CTNND2: variants seen among roughly 807,000 people sequenced by gnomAD.
CTNND2 encodes catenin delta-2.
In CTNND2, 22 loss-of-function variants were observed where a neutral mutation model predicts 144.4. The observed-to-expected ratio is 0.15, with a 90% CI of 0.11 to 0.22. The LOEUF (loss-of-function observed/expected upper bound fraction) is 0.22, where lower values mean the gene tolerates loss of function less well. Ranked by LOEUF, CTNND2 falls within the 10% of genes least tolerant of loss-of-function variation. The pLI is 1.00. For missense variants in CTNND2, 1,353 were observed against 1,618.8 expected (o/e 0.84, Z 2.82); for synonymous variants, 751 against 695.6 (o/e 1.08, Z -1.25).
chr5:11,210,523 T>C (rs1423052804), intron 10 of CTNND2, among the ~76,000 whole-genome samples: 2 of 152,272 alleles, frequency 1.3e-5, no homozygotes, highest in Admixed American at 6.5e-5. Flanking sequence ...CATAAATATC[T>C]ACTTTTTAGG....
intron 2 of CTNND2, among the ~76,000 whole-genome samples, chr5:11,629,178 A>G (rs776866998): frequency 1.2e-4 from 18 of 152,244 alleles, no homozygotes; most frequent in Non-Finnish European, 2.4e-4. Flanking sequence ...TTTCCATGCC[A>G]ATATTTTTGA....
At chr5:11,483,607 T>C (rs1480850221) in intron 3 of CTNND2, among the ~76,000 whole-genome samples, 1 of 152,228 alleles carries the variant, frequency 6.6e-6, no homozygotes, top group Non-Finnish European at 1.5e-5. Flanking sequence ...CAATCTCTTT[T>C]GCTTTATTCC....
chr5:11,123,749 C>T (rs969615077), intron 12 of CTNND2, among the ~76,000 whole-genome samples: 12 of 152,340 alleles, frequency 7.9e-5, no homozygotes, highest in South Asian at 2.1e-4. Flanking sequence ...CTGATGAGAA[C>T]GCATTCCAAA....
chr5:11,733,152 G>C (rs1787487278), intron 1 of CTNND2, among the ~76,000 whole-genome samples: 1 of 152,100 alleles, frequency 6.6e-6, no homozygotes, highest in Non-Finnish European at 1.5e-5. Flanking sequence ...AGCTGCTCTG[G>C]CAAATTAATA....
At chr5:11,858,476 A>G (rs1331881291) in intron 1 of CTNND2, among the ~76,000 whole-genome samples, 1 of 152,232 alleles carries the variant, frequency 6.6e-6, no homozygotes, top group Non-Finnish European at 1.5e-5. Flanking sequence ...CAATACCAAT[A>G]TCTGTCCTAT....
chr5:11,487,181 G>C (rs944459168), intron 3 of CTNND2, among the ~76,000 whole-genome samples: 1 of 147,556 alleles, frequency 6.8e-6, no homozygotes, highest in South Asian at 2.2e-4. Flanking sequence ...GATCAACTAC[G>C]GCAAAACTTT....
intron 15 of CTNND2, among the ~76,000 whole-genome samples, chr5:11,090,455 T>G (rs2907109): frequency 0.15 from 22,322 of 151,854 alleles, 2,042 homozygotes; most frequent in African/African-American, 0.26. Context: ...ACAGCAGGAG[T>G]TGAGTGGTAG....
At chr5:11,344,844 A>G (rs952943838) in intron 9 of CTNND2, among the ~76,000 whole-genome samples, 2 of 152,238 alleles carry the variant, frequency 1.3e-5, no homozygotes, top group Non-Finnish European at 2.9e-5. Flanking sequence ...AATGGAAAGG[A>G]TACGCCATTT....
chr5:11,127,220 T>C (rs998467146), intron 12 of CTNND2, among the ~76,000 whole-genome samples: 3 of 152,240 alleles, frequency 2.0e-5, no homozygotes, highest in African/African-American at 7.2e-5. Context: ...GCAAATCTTG[T>C]TAATGGCCTT....
At chr5:11,084,758 T>C (rs190357046) in intron 15 of CTNND2, among the ~76,000 whole-genome samples, 1 of 152,214 alleles carries the variant, frequency 6.6e-6, no homozygotes, top group Admixed American at 6.5e-5. Context: ...CTTCTAATTC[T>C]TGAAACTCCA....
chr5:11,646,055 C>T (rs192264726), intron 2 of CTNND2, among the ~76,000 whole-genome samples: 4 of 152,050 alleles, frequency 2.6e-5, no homozygotes, highest in African/African-American at 9.6e-5. Context: ...AATCTTCTTT[C>T]TTTCCTTTTC....
At chr5:11,656,364 G>C (rs117587108) in intron 2 of CTNND2, among the ~76,000 whole-genome samples, 10 of 151,332 alleles carry the variant, frequency 6.6e-5, no homozygotes, top group East Asian at 1.9e-4. Flanking sequence ...CTCTACCTTT[G>C]TTCAGCCCAA....
intron 11 of CTNND2, among the ~76,000 whole-genome samples, chr5:11,187,846 G>GA (rs1423931111): frequency 6.6e-6 from 1 of 152,130 alleles, no homozygotes; most frequent in Non-Finnish European, 1.5e-5. Context: ...ACAAACCTAT[G>GA]AAAAAAGCTC....
intron 1 of CTNND2, among the ~76,000 whole-genome samples, chr5:11,854,360 C>T (rs532780431): frequency 6.6e-6 from 1 of 152,296 alleles, no homozygotes; most frequent in South Asian, 2.1e-4. Flanking sequence ...ATACAATTTA[C>T]TCATTTCTGT....
chr5:11,612,853 T>C (rs1399171834), intron 2 of CTNND2, among the ~76,000 whole-genome samples: 1 of 152,160 alleles, frequency 6.6e-6, no homozygotes, highest in African/African-American at 2.4e-5. Flanking sequence ...TGAGCTATGA[T>C]AGTTCCACTG....
chr5:11,099,826 G>A (rs1159774789), intron 14 of CTNND2, among the ~76,000 whole-genome samples: 2 of 152,080 alleles, frequency 1.3e-5, no homozygotes. Flanking sequence ...TCAGTTCTGA[G>A]AAAAATCACA....
chr5:11,414,869 C>T (rs906308948), intron 3 of CTNND2, among the ~76,000 whole-genome samples: 27 of 152,184 alleles, frequency 1.8e-4, no homozygotes, highest in Non-Finnish European at 3.4e-4. Context: ...TCTGTCTCTG[C>T]AGTAGTTTGC....
intron 12 of CTNND2, among the ~76,000 whole-genome samples, chr5:11,142,880 G>A (rs1756880456): frequency 6.6e-6 from 1 of 152,076 alleles, no homozygotes; most frequent in African/African-American, 2.4e-5. Flanking sequence ...CCAAAGTGCT[G>A]GGATTACAAA....
intron 15 of CTNND2, among the ~76,000 whole-genome samples, chr5:11,088,228 T>A (rs1025819674): frequency 2.6e-5 from 4 of 152,098 alleles, no homozygotes; most frequent in African/African-American, 7.2e-5. Flanking sequence ...CTGCCTCAGA[T>A]CTTATTCTGA....
Sources: gnomAD v4.1 joint callset for allele counts (sites outside exome capture counted in the v4.1 genomes callset) on GRCh38, gnomAD v4.1.1 for gene constraint, MANE v1.5 for transcripts, NCBI Gene and HGNC (gene_info 2026-07-23, HGNC 2026-07-21) for gene names.